TFRC: variants seen among roughly 807,000 people sequenced by gnomAD.
TFRC encodes the protein transferrin receptor.
Under a neutral mutation model 85.8 loss-of-function variants are expected in TFRC, and 35 were observed. The ratio of observed to expected loss-of-function variants is 0.41; its 90% CI spans 0.31 to 0.54. The LOEUF is 0.54. Among genes scored for constraint, TFRC ranks in the 20% least tolerant of loss-of-function variants. TFRC has a pLI of 0.31. For synonymous variants in TFRC, 362 were observed against 328.6 expected (o/e 1.10, Z -1.10); for missense variants, 828 against 921.5 (o/e 0.90, Z 1.31).
At chr3:196,064,287 A>C in intron 11 of TFRC, 22 bp downstream of exon 11, 1 of 1,600,344 alleles carries the variant, frequency 6.2e-7, no homozygotes, top group Non-Finnish European at 8.5e-7. Context: ...AATATTCAAA[A>C]GAATCAAAAT....
intron 12 of TFRC, 36 bp downstream of exon 12, chr3:196,062,818 C>T (rs1282886043): frequency 1.2e-6 from 2 of 1,605,338 alleles, no homozygotes; most frequent in East Asian, 4.5e-5. Flanking sequence ...AGCCCACAAG[C>T]TCGTGTCCAA....
intron 6 of TFRC, among the ~76,000 whole-genome samples, chr3:196,070,205 C>T (rs560805562): frequency 1.5e-3 from 232 of 152,080 alleles, no homozygotes; most frequent in Middle Eastern, 3.4e-3. Flanking sequence ...AAGGAATCAA[C>T]ACAGAACTGC....
intron 2 of TFRC, among the ~76,000 whole-genome samples, chr3:196,076,788 A>C (rs938070922): frequency 2.0e-5 from 3 of 152,074 alleles, no homozygotes; most frequent in Non-Finnish European, 4.4e-5. Flanking sequence ...TCCTACTAAA[A>C]CATTTTGATC....
At chr3:196,079,990 A>C (rs928076711) in intron 1 of TFRC, among the ~76,000 whole-genome samples, 2 of 152,244 alleles carry the variant, frequency 1.3e-5, no homozygotes, top group African/African-American at 4.8e-5. Context: ...TATTGTCTTT[A>C]ACAGTACTGG....
chr3:196,052,971 G>C lies in TFRC; in HGVS notation c.2040+447C>G, dbSNP rs80200121. Reference sequence around the variant, plus strand: ...CTACTAAAAATACAAAAAATGAGCCGGGCGTGGTGTTGGGCACCTGTAATC... The same window carrying C: ...CTACTAAAAATACAAAAAATGAGCCCGGCGTGGTGTTGGGCACCTGTAATC... On this transcript the variant is annotated intron_variant, in intron 18 of 18. Coordinates refer to ENST00000360110, the MANE Select transcript of TFRC (RefSeq NM_001128148.3). 1.1e-3 allele frequency among the ~76,000 whole-genome samples: 168 copies of C among 152,062 alleles called. 1 individual carries two copies. The highest frequency in any genetic ancestry group is 3.4e-3 in the Middle Eastern group (1 of 294).
chr3:196,074,878 C>CAAAAAAA (rs34596231), intron 3 of TFRC, among the ~76,000 whole-genome samples: 2 of 98,752 alleles, frequency 2.0e-5, no homozygotes, highest in African/African-American at 4.0e-5. Flanking sequence ...GACTCCAACT[C>CAAAAAAA]AAAAAAAAAA....
At chr3:196,065,416 G>GT (rs1717637533) in intron 10 of TFRC, 27 bp downstream of exon 10, 5 of 737,898 alleles carry the variant, frequency 6.8e-6, no homozygotes, top group South Asian at 2.2e-5. Context: ...AAAAAGCGGG[G>GT]CGGGGGGGGG....
At position 196,061,484 on chromosome 3, in the gene TFRC, C is replaced by A. The variant is rs41297473; in HGVS notation, c.1468+1098G>T. 4.5e-3 allele frequency among the ~76,000 whole-genome samples: 680 copies of A among 152,008 alleles called. 35 individuals are homozygous for A. In the East Asian group the frequency reaches 0.078, roughly 17 times the overall value. On this transcript the variant is annotated intron_variant, in intron 13 of 18. Coordinates refer to ENST00000360110, the MANE Select transcript of TFRC (RefSeq NM_001128148.3). ...TCCCCAAGGGTTGCCAAAAAAAAAG[C>A]CCAGTTTTTTTGTTTGTTTTTTTGA...
chr3:196,062,293 A>C, intron 13 of TFRC: 1 of 357,074 alleles, frequency 2.8e-6, no homozygotes, highest in Non-Finnish European at 5.1e-6. Flanking sequence ...CTGTAATCCC[A>C]GGCCGAGGCA....
intron 3 of TFRC, 83 bp from the exon 4 acceptor site, chr3:196,074,208 C>A: frequency 7.6e-7 from 1 of 1,309,030 alleles, no homozygotes; most frequent in Non-Finnish European, 1.1e-6. Flanking sequence ...TTCAGGTAAG[C>A]CTTGAAAATA....
intron 8 of TFRC, 71 bp from the exon 9 acceptor site, chr3:196,067,728 G>T: frequency 1.9e-6 from 3 of 1,545,600 alleles, no homozygotes; most frequent in Non-Finnish European, 2.6e-6. Flanking sequence ...TTCAGGTTTG[G>T]TATAAGGCTG....
chr3:196,062,994 T>C lies in TFRC; in HGVS notation c.1319-55A>G, dbSNP rs1717412396. 4 of 1,435,992 alleles carry C rather than the reference T, an allele frequency of 2.8e-6. No homozygotes were observed. The Admixed American group carries it at 6.8e-5, about 24-fold the overall frequency. 89.0% of individuals were successfully genotyped at this position (1,435,992 alleles called of 1,614,324 possible). The stretch of plus-strand genomic sequence containing the variant: ...AGGAAAGGTTATACACAGACAAGGA[T>C]GGAAGGTATCCCACTTAAGATGAAT... On this transcript the variant is annotated intron_variant, in intron 11 of 18. Coordinates refer to ENST00000360110, the MANE Select transcript of TFRC (RefSeq NM_001128148.3).
At chr3:196,060,051 G>A (rs896829041) in intron 14 of TFRC, 129 bp downstream of exon 14, 8 of 664,100 alleles carry the variant, frequency 1.2e-5, no homozygotes, top group African/African-American at 1.8e-5. Flanking sequence ...CTTAAATAAC[G>A]CTGCTATAAA....
chr3:196,081,493 G>T (rs1178156566), intron 1 of TFRC, among the ~76,000 whole-genome samples: 4 of 152,206 alleles, frequency 2.6e-5, no homozygotes, highest in Admixed American at 2.6e-4. Context: ...GAAGGTTTAG[G>T]AGCCCAAGGT....
At chr3:196,074,154 T>C (rs3736651) in intron 3 of TFRC, 29 bp from the exon 4 acceptor site, 1 of 1,574,102 alleles carries the variant, frequency 6.4e-7, no homozygotes, top group Non-Finnish European at 8.7e-7. Context: ...AGAGCTGAAC[T>C]CAGAATTTCA....
chr3:196,062,695 C>T (rs774141844), intron 12 of TFRC, 50 bp from the exon 13 acceptor site: 1 of 1,563,240 alleles, frequency 6.4e-7, no homozygotes, highest in Admixed American at 1.9e-5. Context: ...TTATTTATCA[C>T]ATACAGTAGC....
chr3:196,075,286 C>T lies in TFRC; in HGVS notation c.111G>A (p.Glu37=), dbSNP rs1560089963. Residue 37 remains glutamate (E), a synonymous_variant, in exon 3 of 19, where the codon GAG becomes GAA. Coordinates refer to ENST00000360110, the MANE Select transcript of TFRC (RefSeq NM_001128148.3). ...RQVDGDNSHV[E]MKLAVDEEEN... ...CTTCTTCATCTACAGCAAGTTTCAT[C>T]TCCACATGACTGTTATCGCCATCTA... 1 of 1,614,152 alleles carries T rather than the reference C, an allele frequency of 6.2e-7. No homozygotes were observed. The highest frequency in any genetic ancestry group is 8.5e-7 in the Non-Finnish European group (1 of 1,180,034).
chr3:196,056,143 C>G (rs1187848185), intron 16 of TFRC, among the ~76,000 whole-genome samples: 1 of 152,194 alleles, frequency 6.6e-6, no homozygotes, highest in Admixed American at 6.5e-5. Flanking sequence ...AAGTGACCCC[C>G]CTGCCTCAGC....
At chr3:196,067,217 T>C (rs971191931) in intron 9 of TFRC, among the ~76,000 whole-genome samples, 1 of 152,262 alleles carries the variant, frequency 6.6e-6, no homozygotes, top group African/African-American at 2.4e-5. Flanking sequence ...TGGGCTGCTA[T>C]AGGCATCGTG....
Sources: allele counts gnomAD v4.1 joint callset (sites outside exome capture counted in the v4.1 genomes callset), GRCh38; gene constraint gnomAD v4.1.1; transcripts MANE v1.5; gene names NCBI Gene and HGNC (gene_info 2026-07-23, HGNC 2026-07-21).